Variants in RNF150 observed in about 807,000 individuals in gnomAD.
RNF150 encodes ring finger protein 150.
A neutral mutation model predicts 39.3 loss-of-function variants in RNF150; 24 were observed. That is an observed-to-expected ratio of 0.61 (90% confidence interval 0.44 to 0.86). RNF150 has a LOEUF of 0.86. Among genes scored for constraint, RNF150 ranks in the 40% least tolerant of loss-of-function variants. The pLI is 0.00. For missense variants in RNF150, 502 were observed against 587.8 expected (o/e 0.85, Z 1.51); for synonymous variants, 255 against 227.3 (o/e 1.12, Z -1.10).
chr4:141,068,677 C>T (rs958572392), intron 1 of RNF150, among the ~76,000 whole-genome samples: 1 of 150,422 alleles, frequency 6.6e-6, no homozygotes, highest in East Asian at 1.9e-4. Flanking sequence ...GGTATTGATT[C>T]TTCCTACCCA....
chr4:141,120,722 G>C (rs983941243), intron 1 of RNF150, among the ~76,000 whole-genome samples: 1 of 152,210 alleles, frequency 6.6e-6, no homozygotes, highest in African/African-American at 2.4e-5. Context: ...GTAAGTGAGG[G>C]AAGTGGGGTA....
chr4:141,190,144 C>T (rs559369597), intron 1 of RNF150, among the ~76,000 whole-genome samples: 1 of 152,288 alleles, frequency 6.6e-6, no homozygotes, highest in South Asian at 2.1e-4. Flanking sequence ...TGCTTGCCCT[C>T]CAGGGGCTGT....
chr4:140,878,972 A>G (rs530008450), intron 6 of RNF150, among the ~76,000 whole-genome samples: 1 of 152,280 alleles, frequency 6.6e-6, no homozygotes, highest in East Asian at 1.9e-4. Context: ...TTCTTTTGCA[A>G]TGTGGACCTC....
At chr4:141,076,663 C>T (rs950575866) in intron 1 of RNF150, among the ~76,000 whole-genome samples, 2 of 151,820 alleles carry the variant, frequency 1.3e-5, no homozygotes, top group Non-Finnish European at 2.9e-5. Flanking sequence ...GATGGTCATT[C>T]CTGACCATCT....
At position 141,132,686 on chromosome 4, in the gene RNF150, GGT is replaced by G; in HGVS notation, c.121_122del (p.Thr41ArgfsTer90). On this transcript the variant is annotated frameshift_variant, in exon 1 of 7. Transcript: ENST00000515673. LOFTEE classifies it high-confidence loss of function. This position sits in a 1 kb window ranked among gnomAD's most constrained non-coding sequence, Gnocchi z 4.9. Reference protein sequence around the residue: ...FTVAEKEEWYTAFVNITYAEP... With the variant: ...FTVAEKEEWYXAFVNITYAEP... ...CGGCGTAGGTGATGTTCACGAAGGCGGTGTACCATTCCTCCTTCTCGGCCACG... is the reference window on the plus strand; with the variant it reads ...CGGCGTAGGTGATGTTCACGAAGGCGGTACCATTCCTCCTTCTCGGCCACG... 6.2e-7 allele frequency: 1 copy of G among 1,609,122 alleles called. No individual in the cohort carries two copies. The highest frequency in any genetic ancestry group is 1.1e-5 in the South Asian group (1 of 90,900).
intron 4 of RNF150, among the ~76,000 whole-genome samples, chr4:140,945,297 T>A (rs1024083551): frequency 7.0e-6 from 1 of 141,968 alleles, no homozygotes; most frequent in African/African-American, 2.9e-5. Flanking sequence ...TAAAATGCTA[T>A]TTTTTTGTTA....
At chr4:140,986,570 T>C (rs1734023046) in intron 1 of RNF150, among the ~76,000 whole-genome samples, 2 of 152,068 alleles carry the variant, frequency 1.3e-5, no homozygotes, top group African/African-American at 4.8e-5. Flanking sequence ...AATATGTTTA[T>C]AGTAATATTT....
In RNF150 at chr4:140,864,774, T is replaced by A. The variant is rs1055507878; in HGVS notation, c.*3487A>T. On this transcript the variant is annotated 3_prime_UTR_variant, in exon 7 of 7. Coordinates refer to ENST00000515673, the MANE Select transcript of RNF150 (RefSeq NM_020724.2). ...GGGTTTGCCATAGAAGTGAGGGGTA[T>A]AATTTTGTTTCAGCACCAAATCAGC... is the stretch of plus-strand genomic sequence containing the variant. The A allele has an allele frequency of 6.6e-6, 1 of 152,176 alleles. No homozygotes were observed. Among genetic ancestry groups the A allele is most frequent in the African/African-American group, 2.4e-5 (1 of 41,436 alleles). 9.4% of individuals were successfully genotyped at this position (152,176 alleles called of 1,614,324 possible).
chr4:141,080,593 A>C (rs73851909), intron 1 of RNF150, among the ~76,000 whole-genome samples: 1,959 of 152,316 alleles, frequency 0.013, 41 homozygotes, highest in African/African-American at 0.045. Context: ...CATTCCTGTG[A>C]AAAATCAACT....
At position 140,870,452 on chromosome 4, in the gene RNF150, G is replaced by A. The variant is rs560713669; in HGVS notation, c.1199-2073C>T. Among the ~76,000 whole-genome samples the A allele has an allele frequency of 7.5e-5, 10 of 133,756 alleles. No homozygotes were observed. The South Asian group carries it at 1.0e-3, about 13-fold the overall frequency. 87.7% of individuals were successfully genotyped at this position (133,756 alleles called of 152,430 possible). A position where few individuals can be genotyped will look rare whatever the true frequency, so the allele number is the denominator to read the frequency against. ...ATGATCTCCCATCTTCATTTTGTGC[G>A]TGTATGTGTGTGTGTGTGTGTGTGT... On this transcript the variant is annotated intron_variant, in intron 6 of 6. Transcript: ENST00000515673.
chr4:140,974,912 T>G (rs1733604880), intron 1 of RNF150, among the ~76,000 whole-genome samples: 1 of 152,150 alleles, frequency 6.6e-6, no homozygotes, highest in Non-Finnish European at 1.5e-5. Flanking sequence ...ATGGATTTTT[T>G]TCAATGATAT....
intron 1 of RNF150, among the ~76,000 whole-genome samples, chr4:141,152,455 G>A (rs1727318546): frequency 6.6e-6 from 1 of 152,090 alleles, no homozygotes; most frequent in Admixed American, 6.6e-5. Flanking sequence ...ACATGACTTT[G>A]TTACTTTAAT....
At chr4:140,927,978 T>A (rs1731464262) in intron 4 of RNF150, among the ~76,000 whole-genome samples, 1 of 151,926 alleles carries the variant, frequency 6.6e-6, no homozygotes, top group Non-Finnish European at 1.5e-5. Flanking sequence ...AATTACCCAG[T>A]CTCAGGTATT....
At chr4:140,988,733 GC>G (rs1261124110) in intron 1 of RNF150, among the ~76,000 whole-genome samples, 1 of 147,204 alleles carries the variant, frequency 6.8e-6, no homozygotes, top group African/African-American at 2.5e-5. Flanking sequence ...ACTCACTATA[GC>G]AAAGACTTGG....
chr4:140,883,408 G>A (rs1480859013), intron 6 of RNF150, among the ~76,000 whole-genome samples: 1 of 152,084 alleles, frequency 6.6e-6, no homozygotes, highest in African/African-American at 2.4e-5. Flanking sequence ...ACTATCTAAT[G>A]TTCTTTTGTT....
At chr4:140,915,272 C>A (rs989057304) in intron 5 of RNF150, among the ~76,000 whole-genome samples, 1 of 152,126 alleles carries the variant, frequency 6.6e-6, no homozygotes, top group Non-Finnish European at 1.5e-5. Flanking sequence ...AATTATAAGA[C>A]AATTTGTTTA....
intron 1 of RNF150, among the ~76,000 whole-genome samples, chr4:141,125,190 C>T (rs1264961665): frequency 1.3e-5 from 2 of 152,210 alleles, no homozygotes; most frequent in African/African-American, 4.8e-5. Context: ...CACATTTATC[C>T]TACCATACAT....
At position 140,867,727 on chromosome 4, in the gene RNF150, T is replaced by A. The variant is rs1053505148; in HGVS notation, c.*534A>T. The A allele has an allele frequency of 6.6e-6, 1 of 152,428 alleles. No homozygotes were observed. The highest frequency in any genetic ancestry group is 2.4e-5 in the African/African-American group (1 of 41,438). The allele number at this position is 152,428 out of a possible 1,614,324, so 9.4% of individuals were successfully genotyped here. A position where few individuals can be genotyped will look rare whatever the true frequency, so the allele number is the denominator to read the frequency against. ...TCTCAAAGCCATGCACACTTCATGCTGGGAGGTCAAGACCACATATCTCAG... is the reference window on the plus strand; with the variant it reads ...TCTCAAAGCCATGCACACTTCATGCAGGGAGGTCAAGACCACATATCTCAG... On this transcript the variant is annotated 3_prime_UTR_variant, in exon 7 of 7. Transcript: ENST00000515673.
rs1268023575 is a variant in RNF150, at chr4:141,005,937, C to T, written c.485-38064G>A. ...CAAAAAAATTAGCCGGGCGTAGTGG[C>T]GGGCGCCTGTAGTCCCAGCTACTTG... On this transcript the variant is annotated intron_variant, in intron 1 of 6. Coordinates refer to ENST00000515673, the MANE Select transcript of RNF150 (RefSeq NM_020724.2). Among the ~76,000 whole-genome samples, 5 of 146,104 alleles carry T rather than the reference C, an allele frequency of 3.4e-5. No individual in the cohort carries two copies. The South Asian group carries it at 8.9e-4, about 26-fold the overall frequency.
Sources: gnomAD v4.1 joint callset for allele counts (sites outside exome capture counted in the v4.1 genomes callset) on GRCh38, gnomAD v4.1.1 for gene constraint, Gnocchi (gnomAD v3.1) non-coding constraint, MANE v1.5 for transcripts, NCBI Gene and HGNC (gene_info 2026-07-23, HGNC 2026-07-21) for gene names.